RCOR1: variants seen among roughly 807,000 people sequenced by gnomAD.
RCOR1 encodes REST corepressor.
In RCOR1, 12 loss-of-function variants were observed where a neutral mutation model predicts 64.0. That is an observed-to-expected ratio of 0.19 (90% CI 0.12 to 0.30). RCOR1 has a LOEUF of 0.30. RCOR1 is among the 10% of genes least tolerant of loss of function. The probability of loss-of-function intolerance (pLI) is 1.00; values close to 1 mark genes in which losing one functional copy is unlikely to be tolerated. For missense variants in RCOR1, 502 were observed against 621.2 expected (o/e 0.81, Z 2.04); for synonymous variants, 279 against 227.2 (o/e 1.23, Z -2.05).
intron 2 of RCOR1, among the ~76,000 whole-genome samples, chr14:102,645,127 C>T (rs1894454235): frequency 6.6e-6 from 1 of 152,164 alleles, no homozygotes; most frequent in Non-Finnish European, 1.5e-5. Flanking sequence ...CCACACTTAG[C>T]CTGTTTGTGG....
intron 2 of RCOR1, chr14:102,662,544 C>G: frequency 2.0e-6 from 1 of 490,060 alleles, no homozygotes; most frequent in Non-Finnish European, 4.0e-6. Context: ...TTGGGCTGCC[C>G]CTGGAGTCGC....
At chr14:102,662,653 G>T in intron 2 of RCOR1, 1 of 448,310 alleles carries the variant, frequency 2.2e-6, no homozygotes, top group Non-Finnish European at 4.3e-6. Context: ...CACAGCCTTT[G>T]CTTTGGCTTC....
At chr14:102,618,782 T>C (rs1240087355) in intron 2 of RCOR1, among the ~76,000 whole-genome samples, 2 of 152,172 alleles carry the variant, frequency 1.3e-5, no homozygotes, top group Non-Finnish European at 2.9e-5. Flanking sequence ...GTGATAGAGG[T>C]ATGCCTGGGG....
At chr14:102,628,538 C>CAAA (rs371262191) in intron 2 of RCOR1, among the ~76,000 whole-genome samples, 11 of 127,316 alleles carry the variant, frequency 8.6e-5, no homozygotes, top group African/African-American at 2.5e-4. Flanking sequence ...ACTGCAACTC[C>CAAA]AAAAAAAAAA....
intron 2 of RCOR1, among the ~76,000 whole-genome samples, chr14:102,668,351 A>G (rs571256381): frequency 5.9e-5 from 9 of 152,360 alleles, no homozygotes; most frequent in East Asian, 5.8e-4. Context: ...CTGAAGACCT[A>G]TGGAAAGCAA....
chr14:102,714,213 GGAACAC>G (rs1896017944), intron 7 of RCOR1, among the ~76,000 whole-genome samples: 1 of 152,120 alleles, frequency 6.6e-6, no homozygotes, highest in Admixed American at 6.5e-5. Context: ...AAGAAGGAGT[GGAACAC>G]AGTTTCATTG....
chr14:102,682,392 A>C (rs8019811), intron 3 of RCOR1, among the ~76,000 whole-genome samples: 1 of 152,002 alleles, frequency 6.6e-6, no homozygotes, highest in African/African-American at 2.4e-5. Context: ...GGCCTCCCAA[A>C]ATGTTGGGAT....
At chr14:102,676,626 T>TA (rs1555465667) in intron 2 of RCOR1, among the ~76,000 whole-genome samples, 1 of 46,664 alleles carries the variant, frequency 2.1e-5, no homozygotes, top group African/African-American at 1.0e-4. Flanking sequence ...GCTGGCCAGG[T>TA]GGGGGGCTGA....
At position 102,720,305 on chromosome 14, in the gene RCOR1, T is replaced by A. The variant is rs150222444; in HGVS notation, c.1054-702T>A. 6.5e-3 allele frequency among the ~76,000 whole-genome samples: 994 copies of A among 152,172 alleles called. 12 individuals are homozygous for A. Among genetic ancestry groups the A allele is most frequent in the Middle Eastern group, 0.024 (7 of 294 alleles). Reference sequence around the variant, plus strand: ...TCTCATTCAAGGGTCCATGGGAAAATTAAGGAGCAGCCATAGCCTGGGAGG... The same window carrying A: ...TCTCATTCAAGGGTCCATGGGAAAAATAAGGAGCAGCCATAGCCTGGGAGG... On this transcript the variant is annotated intron_variant, in intron 8 of 11. Transcript: ENST00000262241.
chr14:102,682,775 A>G (rs905871292), intron 3 of RCOR1, among the ~76,000 whole-genome samples: 1 of 152,202 alleles, frequency 6.6e-6, no homozygotes, highest in Admixed American at 6.5e-5. Flanking sequence ...AATGTTTTTC[A>G]TACTCCTGTA....
At chr14:102,655,242 T>C (rs1454749156) in intron 2 of RCOR1, 2 of 984,794 alleles carry the variant, frequency 2.0e-6, no homozygotes, top group African/African-American at 3.5e-5. Context: ...TAGGCATTCC[T>C]GGCCTTCCAT....
At chr14:102,597,179 TCA>T (rs991576682) in intron 2 of RCOR1, among the ~76,000 whole-genome samples, 2 of 151,922 alleles carry the variant, frequency 1.3e-5, no homozygotes, top group African/African-American at 4.8e-5. Flanking sequence ...TGTCCCTACC[TCA>T]GTTTTGAGTG....
chr14:102,594,044 C>T (rs1298485082), intron 2 of RCOR1, among the ~76,000 whole-genome samples: 4 of 152,072 alleles, frequency 2.6e-5, no homozygotes, highest in East Asian at 1.9e-4. Context: ...ACAAGAAAGC[C>T]CTACACCCTA....
At chr14:102,690,883 G>A (rs144021617) in intron 3 of RCOR1, among the ~76,000 whole-genome samples, 1 of 152,340 alleles carries the variant, frequency 6.6e-6, no homozygotes, top group African/African-American at 2.4e-5. Flanking sequence ...CATGTGGTGG[G>A]TGTATAATAA....
In RCOR1 at chr14:102,728,464, C is replaced by G. The variant is rs895972227; in HGVS notation, c.*1958C>G. On this transcript the variant is annotated 3_prime_UTR_variant, in exon 12 of 12. Coordinates refer to ENST00000262241, the MANE Select transcript of RCOR1 (RefSeq NM_015156.4). ...GTTTGCACATTGCATAAAGGGTACA[C>G]TAAGGTATGAGCTGAAGCTTTAGGT... 6.6e-6 allele frequency: 1 copy of G among 152,154 alleles called. No homozygotes were observed. Among genetic ancestry groups the G allele is most frequent in the Non-Finnish European group, 1.5e-5 (1 of 68,034 alleles). The allele number at this position is 152,154 out of a possible 1,614,324, so 9.4% of individuals were successfully genotyped here.
At chr14:102,609,102 G>C (rs1207629061) in intron 2 of RCOR1, among the ~76,000 whole-genome samples, 1 of 146,092 alleles carries the variant, frequency 6.8e-6, no homozygotes, top group Non-Finnish European at 1.5e-5. Flanking sequence ...TGGGGTGACA[G>C]TGGTATGATC....
chr14:102,687,880 T>C (rs1006458781), intron 3 of RCOR1, among the ~76,000 whole-genome samples: 36 of 152,038 alleles, frequency 2.4e-4, no homozygotes, highest in African/African-American at 8.7e-4. Flanking sequence ...TGACATTTGA[T>C]TGAAATGTGG....
intron 2 of RCOR1, among the ~76,000 whole-genome samples, chr14:102,622,360 C>T (rs1348499078): frequency 6.6e-6 from 1 of 152,156 alleles, no homozygotes; most frequent in East Asian, 1.9e-4. Context: ...CTGTTCCTGG[C>T]ACGATTCCAG....
chr14:102,705,032 G>T (rs1322844429), intron 4 of RCOR1, among the ~76,000 whole-genome samples: 1 of 152,056 alleles, frequency 6.6e-6, no homozygotes, highest in Non-Finnish European at 1.5e-5. Flanking sequence ...AGGTTGAGGT[G>T]GGAGGATCGC....
Sources: allele counts gnomAD v4.1 joint callset (sites outside exome capture counted in the v4.1 genomes callset), GRCh38; gene constraint gnomAD v4.1.1; transcripts MANE v1.5; gene names NCBI Gene and HGNC (gene_info 2026-07-23, HGNC 2026-07-21).